The following ADGRB3 variants were observed in gnomAD, a reference collection of about 807,000 sequenced individuals.
ADGRB3 encodes brain-specific angiogenesis inhibitor 3.
A neutral mutation model predicts 193.4 loss-of-function variants in ADGRB3; 37 were observed. The ratio of observed to expected loss-of-function variants is 0.19; its 90% CI spans 0.15 to 0.25. ADGRB3 has a LOEUF of 0.25. Among genes scored for constraint, ADGRB3 ranks in the 10% least tolerant of loss-of-function variants. The probability of loss-of-function intolerance (pLI) is 1.00; values close to 1 mark genes in which losing one functional copy is unlikely to be tolerated. For missense variants in ADGRB3, 1,637 were observed against 1,852.9 expected, an observed-to-expected ratio of 0.88 and a Z score of 2.14; for synonymous variants, 690 against 644.2, an observed-to-expected ratio of 1.07 and a Z score of -1.08.
intron 3 of ADGRB3, among the ~76,000 whole-genome samples, chr6:68,910,343 C>T (rs1766665727): frequency 6.6e-6 from 1 of 152,058 alleles, no homozygotes; most frequent in South Asian, 2.1e-4. Flanking sequence ...AAATGTTCTC[C>T]CATTCTGTAG....
chr6:68,970,421 T>G (rs779915582), intron 8 of ADGRB3, among the ~76,000 whole-genome samples: 1 of 151,894 alleles, frequency 6.6e-6, no homozygotes. Flanking sequence ...AGCTGGGATC[T>G]TCCTCCTTCT....
rs1767919485 is a variant in ADGRB3 at position 68,635,342 on chromosome 6, C to A, written c.-846C>A. On this transcript the variant is annotated 5_prime_UTR_variant, in exon 1 of 32. Coordinates refer to ENST00000370598, the MANE Select transcript of ADGRB3 (RefSeq NM_001704.3). ...TACTATCTCGCTCCCTCTCGCGCCT[C>A]CCTCCTCGCTGGGCATTCAAACAGC... The A allele has an allele frequency of 6.6e-6, 1 of 152,068 alleles. No homozygotes were observed. Among genetic ancestry groups the A allele is most frequent in the Admixed American group, 6.5e-5 (1 of 15,274 alleles). The allele number at this position is 152,068 out of a possible 1,614,324, so 9.4% of individuals were successfully genotyped here. A position where few individuals can be genotyped will look rare whatever the true frequency, so the allele number is the denominator to read the frequency against.
At chr6:68,819,359 G>A (rs1324447796) in intron 3 of ADGRB3, among the ~76,000 whole-genome samples, 1 of 151,752 alleles carries the variant, frequency 6.6e-6, no homozygotes, top group African/African-American at 2.4e-5. Context: ...CCATACACAT[G>A]TTCTTGAACT....
chr6:69,001,145 A>G (rs1396253290), intron 11 of ADGRB3, among the ~76,000 whole-genome samples: 1 of 152,238 alleles, frequency 6.6e-6, no homozygotes, highest in Non-Finnish European at 1.5e-5. Context: ...AGCAGTAAGT[A>G]AAGATGTCAT....
intron 10 of ADGRB3, among the ~76,000 whole-genome samples, chr6:68,989,513 G>T (rs1041923156): frequency 6.6e-6 from 1 of 152,092 alleles, no homozygotes; most frequent in Non-Finnish European, 1.5e-5. Flanking sequence ...CTAGCATTTC[G>T]AGAAATTGGA....
intron 3 of ADGRB3, among the ~76,000 whole-genome samples, chr6:68,856,834 C>G (rs1007509952): frequency 1.3e-5 from 2 of 152,212 alleles, no homozygotes; most frequent in Admixed American, 6.5e-5. Flanking sequence ...TTGACAGCAG[C>G]CCTTCCCATC....
intron 3 of ADGRB3, among the ~76,000 whole-genome samples, chr6:68,837,565 A>T (rs1391956197): frequency 6.6e-6 from 1 of 152,222 alleles, no homozygotes; most frequent in Non-Finnish European, 1.5e-5. Flanking sequence ...ATCAATAAAA[A>T]GTTTCATTTG....
intron 26 of ADGRB3, among the ~76,000 whole-genome samples, chr6:69,341,820 G>C (rs1768978667): frequency 6.6e-6 from 1 of 152,036 alleles, no homozygotes; most frequent in Non-Finnish European, 1.5e-5. Flanking sequence ...AAGTATTTCA[G>C]GCTTTAAGTA....
intron 17 of ADGRB3, among the ~76,000 whole-genome samples, chr6:69,160,049 G>A (rs927738713): frequency 6.6e-6 from 1 of 151,916 alleles, no homozygotes; most frequent in African/African-American, 2.4e-5. Flanking sequence ...TATTATCATG[G>A]CCCAAACATT....
At chr6:69,148,505 G>T (rs1774570758) in intron 17 of ADGRB3, among the ~76,000 whole-genome samples, 1 of 152,002 alleles carries the variant, frequency 6.6e-6, no homozygotes, top group South Asian at 2.1e-4. Context: ...TTGAGAAATT[G>T]TAGTTATTAT....
intron 10 of ADGRB3, among the ~76,000 whole-genome samples, chr6:68,983,755 A>G (rs890188991): frequency 6.6e-6 from 1 of 152,100 alleles, no homozygotes; most frequent in African/African-American, 2.4e-5. Flanking sequence ...AAATAATTAC[A>G]AATTCTTATA....
rs1045838154 is a variant in ADGRB3 at position 68,639,299 on chromosome 6, C to A, written c.624C>A (p.Asp208Glu). 4.3e-6 allele frequency: 7 copies of A among 1,613,900 alleles called. No homozygotes were observed. The highest frequency in any genetic ancestry group is 1.6e-4 in the Middle Eastern group (1 of 6,084). ...AGCATTTGGGAGAGTGGGGGATCGA[C>A]GACCAGTCGCTGATTTTGTTAAATA... ...CPQHLGEWGI[D>E]DQSLILLNNV... is the part of the protein sequence containing the mutation. Residue 208 changes from aspartate to glutamate, a missense_variant, in exon 3 of 32, where the codon GAC becomes GAA. Asp to Glu is a conservative substitution (Grantham distance 45). Transcript: ENST00000370598.
chr6:68,724,098 T>TAA lies in ADGRB3; in HGVS notation c.757+84676_757+84677dup, dbSNP rs564880605. Among the ~76,000 whole-genome samples the TAA allele has an allele frequency of 3.5e-3, 514 of 146,272 alleles. 1 individual carries two copies. Among genetic ancestry groups the TAA allele is most frequent in the Non-Finnish European group, 5.5e-3 (364 of 65,840 alleles). On this transcript the variant is annotated intron_variant, in intron 3 of 31. Coordinates refer to ENST00000370598, the MANE Select transcript of ADGRB3 (RefSeq NM_001704.3). ...TCTAATAAAAGTATACATGAAATAT[T>TAA]AAAAAAAAAAACAACCTCAGTGGAA...
chr6:68,671,420 G>A (rs910571171), intron 3 of ADGRB3, among the ~76,000 whole-genome samples: 2 of 151,866 alleles, frequency 1.3e-5, no homozygotes, highest in African/African-American at 4.8e-5. Flanking sequence ...CTGTGTTAAG[G>A]CATATTCCTT....
chr6:69,299,621 C>T (rs928176863), intron 20 of ADGRB3, among the ~76,000 whole-genome samples: 1 of 151,862 alleles, frequency 6.6e-6, no homozygotes, highest in Admixed American at 6.6e-5. Flanking sequence ...TTTCCCAGCA[C>T]CATTAATTGA....
chr6:68,789,077 C>T (rs576277073), intron 3 of ADGRB3, among the ~76,000 whole-genome samples: 2 of 151,926 alleles, frequency 1.3e-5, no homozygotes, highest in Non-Finnish European at 1.5e-5. Flanking sequence ...TTCCTGAATA[C>T]AGCACACTGA....
At chr6:69,241,677 G>GA (rs1766387670) in intron 20 of ADGRB3, among the ~76,000 whole-genome samples, 1 of 151,852 alleles carries the variant, frequency 6.6e-6, no homozygotes, top group Non-Finnish European at 1.5e-5. Context: ...TTCTTATTTT[G>GA]AGGAAGGGCT....
chr6:68,827,316 G>C (rs973788247), intron 3 of ADGRB3, among the ~76,000 whole-genome samples: 3 of 152,110 alleles, frequency 2.0e-5, no homozygotes, highest in Non-Finnish European at 4.4e-5. Flanking sequence ...TGCAAAAAGG[G>C]CAGGAAAGGC....
intron 20 of ADGRB3, among the ~76,000 whole-genome samples, chr6:69,288,382 C>G (rs558561716): frequency 6.6e-6 from 1 of 152,076 alleles, no homozygotes; most frequent in Non-Finnish European, 1.5e-5. Context: ...TGAATTCATC[C>G]TTTTTTATGG....
Sources: gnomAD v4.1 joint callset for allele counts (sites outside exome capture counted in the v4.1 genomes callset) on GRCh38, gnomAD v4.1.1 for gene constraint, MANE v1.5 for transcripts, NCBI Gene and HGNC (gene_info 2026-07-23, HGNC 2026-07-21) for gene names.